The following FRMPD4 variants were observed in gnomAD, a reference collection of about 807,000 sequenced individuals.
FRMPD4 encodes the protein FERM and PDZ domain-containing protein 4.
FRMPD4 carries 22 observed loss-of-function variants against 94.1 expected under a neutral mutation model. That is an observed-to-expected ratio of 0.23 (90% CI 0.17 to 0.33). The LOEUF (loss-of-function observed/expected upper bound fraction) is 0.33, where lower values mean the gene tolerates loss of function less well. Ranked by LOEUF, FRMPD4 falls within the 10% of genes least tolerant of loss-of-function variation. The pLI, the probability that FRMPD4 is intolerant of heterozygous loss-of-function variation, is 1.00. For missense variants in FRMPD4, 1,111 were observed against 1,339.9 expected (o/e 0.83, Z 2.67); for synonymous variants, 631 against 548.6 (o/e 1.15, Z -2.10).
intron 1 of FRMPD4, among the ~76,000 whole-genome samples, chrX:12,221,093 C>A (rs1177175024): frequency 8.9e-6 from 1 of 112,513 alleles, no homozygotes; most frequent in African/African-American, 3.2e-5. Context: ...AGTTTACTTT[C>A]TTTCTTCACT....
intron 3 of FRMPD4, among the ~76,000 whole-genome samples, chrX:12,085,662 A>T (rs1015318581): frequency 8.9e-6 from 1 of 112,136 alleles, no homozygotes; most frequent in African/African-American, 3.2e-5. Context: ...ATTTGAGCCC[A>T]GGAGCTCAAG....
At chrX:12,014,002 T>C (rs763496785) in intron 3 of FRMPD4, among the ~76,000 whole-genome samples, 2 of 112,650 alleles carry the variant, frequency 1.8e-5, no homozygotes, top group South Asian at 7.3e-4. Flanking sequence ...ATAACTTTTT[T>C]TTTAATTTTA....
At chrX:12,084,182 G>GT (rs1464197591) in intron 3 of FRMPD4, among the ~76,000 whole-genome samples, 24 of 100,339 alleles carry the variant, frequency 2.4e-4, no homozygotes, top group Non-Finnish European at 4.5e-4. Context: ...CCCAGTGGGG[G>GT]GGGGGGTAAT....
chrX:12,715,998 G>GCCGGGCCCCCCCCC, intron 14 of FRMPD4, 71 bp from the exon 15 acceptor site: 1 of 383,858 alleles, frequency 2.6e-6, no homozygotes, highest in Non-Finnish European at 4.7e-6. Context: ...ACAGAGACGA[G>GCCGGGCCCCCCCCC]CCTCCCACCC....
intron 1 of FRMPD4, among the ~76,000 whole-genome samples, chrX:12,185,033 A>G (rs111963918): frequency 0.23 from 25,600 of 110,586 alleles, 2,844 homozygotes; most frequent in Non-Finnish European, 0.35. Context: ...AAAAGCTTAA[A>G]GGGAGGGATA....
chrX:12,136,429 G>C (rs546054616), upstream of FRMPD4, among the ~76,000 whole-genome samples: 29 of 111,135 alleles, frequency 2.6e-4, no homozygotes, highest in African/African-American at 8.8e-4. Context: ...ACAGTTAATA[G>C]GGACTCGGAG....
chrX:12,129,818 C>A (rs988548838), intron 3 of FRMPD4, among the ~76,000 whole-genome samples: 1 of 111,903 alleles, frequency 8.9e-6, no homozygotes, highest in African/African-American at 3.3e-5. Flanking sequence ...GGCAATAATT[C>A]CTGCCCCATA....
At chrX:12,461,001 TACTC>T (rs1228060074) in intron 1 of FRMPD4, among the ~76,000 whole-genome samples, 1 of 111,876 alleles carries the variant, frequency 8.9e-6, no homozygotes. Context: ...TGTATGAAAA[TACTC>T]TCTCTTATAC....
At chrX:12,632,518 C>A (rs765618707) in intron 4 of FRMPD4, among the ~76,000 whole-genome samples, 1 of 112,213 alleles carries the variant, frequency 8.9e-6, no homozygotes, top group Non-Finnish European at 1.9e-5. Flanking sequence ...AGAAGATGCA[C>A]CTCACTGTTT....
chrX:12,051,513 C>A (rs924446768), intron 3 of FRMPD4, among the ~76,000 whole-genome samples: 2 of 112,015 alleles, frequency 1.8e-5, no homozygotes, highest in African/African-American at 3.2e-5. Flanking sequence ...ATTCCAACTT[C>A]ATAAGCTTCA....
intron 1 of FRMPD4, among the ~76,000 whole-genome samples, chrX:12,451,203 A>T (rs941709273): frequency 9.0e-6 from 1 of 111,265 alleles, no homozygotes; most frequent in African/African-American, 3.3e-5. Flanking sequence ...CCCTCTTCTC[A>T]TTGAAACCTG....
intron 1 of FRMPD4, among the ~76,000 whole-genome samples, chrX:12,322,882 GTTATATA>G (rs1453999358): frequency 9.0e-6 from 1 of 111,019 alleles, no homozygotes; most frequent in Admixed American, 9.6e-5. Flanking sequence ...ATTAACATTA[GTTATATA>G]TTATATAATT....
At chrX:12,469,022 A>C (rs2057479847) in intron 1 of FRMPD4, among the ~76,000 whole-genome samples, 1 of 112,341 alleles carries the variant, frequency 8.9e-6, no homozygotes, top group Non-Finnish European at 1.9e-5. Context: ...GATACCTTAG[A>C]AAAATGTCAA....
chrX:12,481,798 C>T (rs1029709702), intron 1 of FRMPD4, among the ~76,000 whole-genome samples: 8 of 105,075 alleles, frequency 7.6e-5, no homozygotes, highest in African/African-American at 2.4e-4. Flanking sequence ...AAAAATTGAC[C>T]GGGTGTGGTG....
intron 3 of FRMPD4, among the ~76,000 whole-genome samples, chrX:11,944,545 G>A (rs1455749893): frequency 8.9e-6 from 1 of 111,816 alleles, no homozygotes; most frequent in Non-Finnish European, 1.9e-5. Flanking sequence ...TATGGGCAGT[G>A]CAGTCAGCGT....
At chrX:12,216,408 T>C (rs777334216) in intron 1 of FRMPD4, among the ~76,000 whole-genome samples, 102 of 111,854 alleles carry the variant, frequency 9.1e-4, no homozygotes, top group Non-Finnish European at 1.5e-3. Context: ...CTTTTTTGAC[T>C]AGCCCCAGAA....
intron 3 of FRMPD4, among the ~76,000 whole-genome samples, chrX:11,881,757 A>G (rs2053814815): frequency 8.9e-6 from 1 of 112,044 alleles, no homozygotes; most frequent in African/African-American, 3.2e-5. Context: ...CATCCTCCAA[A>G]GTCCATTTTA....
intron 3 of FRMPD4, among the ~76,000 whole-genome samples, chrX:12,039,872 G>A (rs2054742230): frequency 9.3e-6 from 1 of 107,500 alleles, no homozygotes; most frequent in Admixed American, 1.0e-4. Flanking sequence ...GGGAGGCTGA[G>A]GCAGGAGAAT....
At chrX:12,250,080 G>T (rs1000778489) in intron 1 of FRMPD4, among the ~76,000 whole-genome samples, 1 of 106,696 alleles carries the variant, frequency 9.4e-6, no homozygotes, top group Non-Finnish European at 1.9e-5. Flanking sequence ...GTTTGTGTGT[G>T]TGTGTGTGTG....
Sources: allele counts gnomAD v4.1 joint callset (sites outside exome capture counted in the v4.1 genomes callset), GRCh38; gene constraint gnomAD v4.1.1; transcripts MANE v1.5; gene names NCBI Gene and HGNC (gene_info 2026-07-23, HGNC 2026-07-21).